CDH23: variants seen among roughly 807,000 people sequenced by gnomAD.
CDH23 encodes cadherin related 23.
CDH23 carries 189 observed loss-of-function variants against 317.1 expected under a neutral mutation model. That is an observed-to-expected ratio of 0.60 (90% confidence interval 0.53 to 0.67). The LOEUF is 0.67. Among genes scored for constraint, CDH23 ranks in the 30% least tolerant of loss-of-function variants. The probability of loss-of-function intolerance (pLI) is 0.00; values close to 1 mark genes in which losing one functional copy is unlikely to be tolerated. For missense variants in CDH23, 4,401 were observed against 4,592.4 expected (o/e 0.96, Z 1.20); for synonymous variants, 1,839 against 1,876.8 (o/e 0.98, Z 0.52).
At position 71,518,357 on chromosome 10, in the gene CDH23, A is replaced by G. The variant is rs535386873; in HGVS notation, c.429+7145A>G. On this transcript the variant is annotated intron_variant, in intron 6 of 69. Coordinates refer to ENST00000224721, the MANE Select transcript of CDH23 (RefSeq NM_022124.6). ...TGCATGTATTGTTTTGCAATTTGCCATGGCCTGCTTTTGATTTGCAATAAG... is the reference window on the plus strand; with the variant it reads ...TGCATGTATTGTTTTGCAATTTGCCGTGGCCTGCTTTTGATTTGCAATAAG... 3.3e-5 allele frequency among the ~76,000 whole-genome samples: 5 copies of G among 152,288 alleles called. No homozygotes were observed. In the South Asian group the frequency reaches 8.3e-4, roughly 25 times the overall value.
chr10:71,718,592 C>T (rs565305151), intron 28 of CDH23, among the ~76,000 whole-genome samples: 1 of 152,360 alleles, frequency 6.6e-6, no homozygotes, highest in Non-Finnish European at 1.5e-5. Context: ...GAAAATCAGC[C>T]ATCCCTCTCT....
Position 71,491,043 on chromosome 10 carries a change from TAA to T in CDH23, c.146-19038_146-19037del, listed in dbSNP as rs1412748915. 1.5e-4 allele frequency among the ~76,000 whole-genome samples: 23 copies of T among 152,156 alleles called. 1 individual carries two copies. Among genetic ancestry groups the T allele is most frequent in the Admixed American group, 1.5e-3 (23 of 15,280 alleles). ...TAAAATAAAATAAAAAGAGGGGCTG[TAA>T]CCAGTCTTGGCTCCCCCACCAACCT... On this transcript the variant is annotated intron_variant, in intron 3 of 69. Transcript: ENST00000224721.
At chr10:71,814,911 G>A (rs749363495) in intron 69 of CDH23, 41 bp from the exon 70 acceptor site, 1 of 1,556,636 alleles carries the variant, frequency 6.4e-7, no homozygotes. Flanking sequence ...CTCACCCCTT[G>A]GGCATGGCCC....
At chr10:71,633,773 G>GAA (rs1589280766) in intron 11 of CDH23, among the ~76,000 whole-genome samples, 1 of 152,160 alleles carries the variant, frequency 6.6e-6, no homozygotes, top group African/African-American at 2.4e-5. Flanking sequence ...AGAGAGGGCA[G>GAA]ACAGTTTGCA....
At chr10:71,667,627 C>A (rs73273949) in intron 14 of CDH23, among the ~76,000 whole-genome samples, 7,137 of 151,872 alleles carry the variant, frequency 0.047, 529 homozygotes, top group African/African-American at 0.16. Flanking sequence ...AGAGATGACA[C>A]GAAGACACAC....
rs117641925 is a variant in CDH23, at chr10:71,511,930, G to A, written c.429+718G>A. ...GTGGGAGGGTAAAGGGCTTCTCACTGGGTGTCCCTCGGGCCTGCCCTCGGG... is the reference window on the plus strand; with the variant it reads ...GTGGGAGGGTAAAGGGCTTCTCACTAGGTGTCCCTCGGGCCTGCCCTCGGG... On this transcript the variant is annotated intron_variant, in intron 6 of 69. Transcript: ENST00000224721. The A allele has an allele frequency of 2.3e-3, 347 of 152,874 alleles. 1 individual carries two copies. Among genetic ancestry groups the A allele is most frequent in the Non-Finnish European group, 3.5e-3 (243 of 68,556 alleles). The allele number at this position is 152,874 out of a possible 1,614,324, so 9.5% of individuals were successfully genotyped here.
intron 3 of CDH23, among the ~76,000 whole-genome samples, chr10:71,490,616 C>T (rs187446531): frequency 1.2e-4 from 19 of 152,326 alleles, no homozygotes; most frequent in Non-Finnish European, 2.2e-4. Context: ...CAGGGCTACA[C>T]GAATGAGGGT....
chr10:71,504,446 A>T (rs1853520586), intron 3 of CDH23, among the ~76,000 whole-genome samples: 1 of 152,250 alleles, frequency 6.6e-6, no homozygotes. Context: ...CATTTTGATT[A>T]TCCATTCATC....
intron 50 of CDH23, among the ~76,000 whole-genome samples, chr10:71,798,877 TG>T (rs1256969770): frequency 3.3e-5 from 5 of 152,174 alleles, no homozygotes; most frequent in Non-Finnish European, 7.4e-5. Context: ...TCTCAGGTCC[TG>T]GGCTAGTTGA....
chr10:71,673,740 T>C (rs1197393968), intron 14 of CDH23, among the ~76,000 whole-genome samples: 1 of 152,176 alleles, frequency 6.6e-6, no homozygotes, highest in Non-Finnish European at 1.5e-5. Context: ...AAATTGGAGG[T>C]GGTGCTAATA....
chr10:71,720,424 C>G (rs1474062763), intron 28 of CDH23, among the ~76,000 whole-genome samples: 1 of 151,022 alleles, frequency 6.6e-6, no homozygotes, highest in Non-Finnish European at 1.5e-5. Context: ...TTCCAAAACA[C>G]ACACACACAC....
At chr10:71,569,027 G>T (rs1465435420) in intron 7 of CDH23, among the ~76,000 whole-genome samples, 1 of 152,212 alleles carries the variant, frequency 6.6e-6, no homozygotes, top group Non-Finnish European at 1.5e-5. Context: ...AGAGGTCAGG[G>T]GACTTGTTTT....
At chr10:71,493,200 T>G (rs1852763803) in intron 3 of CDH23, among the ~76,000 whole-genome samples, 1 of 152,180 alleles carries the variant, frequency 6.6e-6, no homozygotes, top group East Asian at 1.9e-4. Context: ...GTTATTATGA[T>G]TATGATCCCA....
At chr10:71,580,053 G>A (rs1040515533) in intron 9 of CDH23, among the ~76,000 whole-genome samples, 1 of 152,228 alleles carries the variant, frequency 6.6e-6, no homozygotes, top group African/African-American at 2.4e-5. Context: ...AACTCCTGCA[G>A]AGACCCTGTG....
chr10:71,761,638 C>T, intron 38 of CDH23: 1 of 1,610,432 alleles, frequency 6.2e-7, no homozygotes. Context: ...GGACCCTGTG[C>T]TCCGAGTGGT....
chr10:71,414,822 G>A (rs532455946), intron 1 of CDH23, among the ~76,000 whole-genome samples: 3 of 152,220 alleles, frequency 2.0e-5, no homozygotes, highest in Admixed American at 6.5e-5. Flanking sequence ...GAGAAGCCAT[G>A]TGAGGTTAGA....
chr10:71,707,145 G>A lies in CDH23; in HGVS notation c.3106+96G>A, dbSNP rs893502187. ...GCCAGACTAGGTGGGGGCAGGTGAG[G>A]GTGGAAAAGAGGTCAGGGCTCTACT... On this transcript the variant is annotated intron_variant, in intron 26 of 69. Transcript: ENST00000224721. The A allele has an allele frequency of 1.9e-6, 3 of 1,550,134 alleles. No homozygotes were observed. In the African/African-American group the frequency reaches 4.1e-5, roughly 21 times the overall value.
At chr10:71,590,546 C>T (rs960802268) in intron 9 of CDH23, among the ~76,000 whole-genome samples, 7 of 152,202 alleles carry the variant, frequency 4.6e-5, no homozygotes, top group African/African-American at 1.2e-4. Context: ...TTCACAACGA[C>T]GTCCGGCAGA....
intron 38 of CDH23, chr10:71,753,798 G>C (rs571878572): frequency 2.2e-6 from 1 of 456,464 alleles, no homozygotes; most frequent in East Asian, 6.9e-5. Context: ...CACAACAACA[G>C]AACAAACACA....
Sources: allele counts gnomAD v4.1 joint callset (sites outside exome capture counted in the v4.1 genomes callset), GRCh38; gene constraint gnomAD v4.1.1; transcripts MANE v1.5; gene names NCBI Gene and HGNC (gene_info 2026-07-23, HGNC 2026-07-21).